Variants in FGF14 observed in about 807,000 individuals in gnomAD.
The protein encoded by FGF14 is fibroblast growth factor homologous factor 4.
In FGF14, 5 loss-of-function variants were observed where a neutral mutation model predicts 25.5. That is an observed-to-expected ratio of 0.20 (90% confidence interval 0.10 to 0.41). The LOEUF (loss-of-function observed/expected upper bound fraction) is 0.41. Ranked by LOEUF, FGF14 falls within the 10% of genes least tolerant of loss-of-function variation. The pLI, the probability that FGF14 is intolerant of heterozygous loss-of-function variation, is 1.00. For synonymous variants in FGF14, 138 were observed against 118.3 expected (o/e 1.17, Z -1.08); for missense variants, 222 against 320.1 (o/e 0.69, Z 2.34).
At chr13:101,926,549 C>G (rs548948209) in intron 1 of FGF14, among the ~76,000 whole-genome samples, 1 of 152,222 alleles carries the variant, frequency 6.6e-6, no homozygotes, top group South Asian at 2.1e-4. Flanking sequence ...GACCATTAGG[C>G]TCCCCAGTGA....
At chr13:102,331,961 T>A (rs1487574778) in intron 1 of FGF14, among the ~76,000 whole-genome samples, 1 of 152,094 alleles carries the variant, frequency 6.6e-6, no homozygotes, top group African/African-American at 2.4e-5. Flanking sequence ...GAAATAGCAA[T>A]CAGCGCAGCA....
intron 1 of FGF14, among the ~76,000 whole-genome samples, chr13:102,191,985 A>G (rs1323168572): frequency 6.6e-6 from 1 of 152,176 alleles, no homozygotes. Flanking sequence ...AAGTCTCAAG[A>G]TATCTCTTTT....
chr13:101,782,333 C>T (rs961113976), intron 3 of FGF14, among the ~76,000 whole-genome samples: 3 of 152,196 alleles, frequency 2.0e-5, no homozygotes, highest in Non-Finnish European at 4.4e-5. Context: ...ATTTCAAATC[C>T]ATGTGCATTC....
chr13:102,083,153 T>A (rs1029875204), intron 1 of FGF14, among the ~76,000 whole-genome samples: 5 of 152,210 alleles, frequency 3.3e-5, no homozygotes, highest in African/African-American at 1.2e-4. Flanking sequence ...ACATTTTGTC[T>A]ACTCTACCTT....
intron 1 of FGF14, among the ~76,000 whole-genome samples, chr13:102,313,281 G>A (rs1465610426): frequency 1.3e-5 from 2 of 152,204 alleles, no homozygotes; most frequent in South Asian, 2.1e-4. Context: ...AGGGAAAGCA[G>A]CCGTGGAAAT....
chr13:101,847,910 A>C (rs2043547059), intron 3 of FGF14, among the ~76,000 whole-genome samples: 1 of 152,082 alleles, frequency 6.6e-6, no homozygotes, highest in Non-Finnish European at 1.5e-5. Flanking sequence ...GAGAGAAAGA[A>C]AATTATGATT....
chr13:102,065,571 G>A (rs1379445708), intron 1 of FGF14, among the ~76,000 whole-genome samples: 1 of 151,950 alleles, frequency 6.6e-6, no homozygotes, highest in Non-Finnish European at 1.5e-5. Flanking sequence ...CCTCATATAA[G>A]CATACATATA....
At chr13:102,332,411 T>C (rs2056660895) in intron 1 of FGF14, among the ~76,000 whole-genome samples, 1 of 152,150 alleles carries the variant, frequency 6.6e-6, no homozygotes, top group Non-Finnish European at 1.5e-5. Flanking sequence ...ATATCTTAAA[T>C]CTAAAATCAC....
At chr13:101,810,842 C>G (rs2041464028) in intron 3 of FGF14, among the ~76,000 whole-genome samples, 1 of 152,092 alleles carries the variant, frequency 6.6e-6, no homozygotes, top group Admixed American at 6.6e-5. Context: ...CCTGTCCTTT[C>G]CGTAAGATGC....
intron 1 of FGF14, among the ~76,000 whole-genome samples, chr13:102,295,890 A>T (rs957175571): frequency 1.3e-5 from 2 of 152,164 alleles, no homozygotes; most frequent in Non-Finnish European, 2.9e-5. Flanking sequence ...GATGATGCAG[A>T]GATTGCGAAA....
At chr13:101,946,309 G>A (rs1381771838) in intron 1 of FGF14, among the ~76,000 whole-genome samples, 1 of 140,588 alleles carries the variant, frequency 7.1e-6, no homozygotes, top group Non-Finnish European at 1.5e-5. Flanking sequence ...TCTACCCAAC[G>A]TCCTGTTGTA....
At chr13:102,164,312 T>C (rs1413559906) in intron 1 of FGF14, among the ~76,000 whole-genome samples, 1 of 152,228 alleles carries the variant, frequency 6.6e-6, no homozygotes, top group Non-Finnish European at 1.5e-5. Flanking sequence ...TGAAAAGCAC[T>C]GCTGACAATC....
chr13:101,957,897 G>GA (rs996811089), intron 1 of FGF14, among the ~76,000 whole-genome samples: 29 of 150,092 alleles, frequency 1.9e-4, no homozygotes, highest in African/African-American at 6.4e-4. Context: ...ACTATGACAA[G>GA]AAAAAAAAAT....
chr13:101,978,556 T>C (rs560733380), intron 1 of FGF14, among the ~76,000 whole-genome samples: 2 of 152,310 alleles, frequency 1.3e-5, no homozygotes, highest in South Asian at 4.1e-4. Context: ...AACAAAGAGA[T>C]AGCTTTAAAT....
intron 3 of FGF14, among the ~76,000 whole-genome samples, chr13:101,737,642 T>A (rs2036275665): frequency 6.6e-6 from 1 of 152,206 alleles, no homozygotes; most frequent in Non-Finnish European, 1.5e-5. Flanking sequence ...ATTTTTACTC[T>A]GCTGGAGTCT....
chr13:102,350,547 T>C lies in FGF14; in HGVS notation c.208+50924A>G, dbSNP rs78884811. Among the ~76,000 whole-genome samples the C allele has an allele frequency of 5.4e-3, 822 of 152,246 alleles. 5 individuals carry two copies. The highest frequency in any genetic ancestry group is 0.018 in the African/African-American group (742 of 41,558). On this transcript the variant is annotated intron_variant, in intron 1 of 4. Coordinates refer to the FGF14 transcript ENST00000376131. ...TTCCCATCTCTCTTCCTATCTTGTG[T>C]AGTTAACTTGCACACCCTCCTTAGC...
intron 2 of FGF14, among the ~76,000 whole-genome samples, chr13:101,869,288 G>A (rs191630628): frequency 5.7e-4 from 87 of 152,256 alleles, no homozygotes; most frequent in Non-Finnish European, 9.8e-4. Flanking sequence ...ACTAAATGAC[G>A]GTGGTAGAAC....
chr13:101,850,541 A>AGCGC (rs1555295907), intron 3 of FGF14, among the ~76,000 whole-genome samples: 2 of 5,850 alleles, frequency 3.4e-4, no homozygotes, highest in South Asian at 0.013. Context: ...ATATATATAT[A>AGCGC]TATATATATA....
At chr13:102,190,349 G>A (rs1472428680) in intron 1 of FGF14, among the ~76,000 whole-genome samples, 6 of 152,164 alleles carry the variant, frequency 3.9e-5, no homozygotes, top group Non-Finnish European at 7.4e-5. Flanking sequence ...GTGATTCTCA[G>A]TCTGAGGCAA....
Sources: gnomAD v4.1 joint callset for allele counts (sites outside exome capture counted in the v4.1 genomes callset) on GRCh38, gnomAD v4.1.1 for gene constraint, MANE v1.5 for transcripts, NCBI Gene and HGNC (gene_info 2026-07-23, HGNC 2026-07-21) for gene names.